The following NCOR1 variants were observed in gnomAD, a reference collection of about 807,000 sequenced individuals.
NCOR1 encodes the protein nuclear receptor corepressor 1.
In NCOR1, 63 loss-of-function variants were observed where a neutral mutation model predicts 288.1. That is an observed-to-expected ratio of 0.22 (90% CI 0.18 to 0.27). The LOEUF is 0.27. Among genes scored for constraint, NCOR1 ranks in the 10% least tolerant of loss-of-function variants. The pLI is 1.00. For synonymous variants in NCOR1, 1,007 were observed against 1,065.9 expected (o/e 0.94, Z 1.08); for missense variants, 2,397 against 3,019.2 (o/e 0.79, Z 4.83).
chr17:16,179,599 T>A (rs2084949246), intron 3 of NCOR1, among the ~76,000 whole-genome samples: 1 of 152,232 alleles, frequency 6.6e-6, no homozygotes, highest in Non-Finnish European at 1.5e-5. Flanking sequence ...CTAGAGGGAC[T>A]ATTTCCCAAC....
chr17:16,163,270 A>T (rs1295780509), intron 5 of NCOR1, among the ~76,000 whole-genome samples: 4 of 152,206 alleles, frequency 2.6e-5, no homozygotes, highest in Admixed American at 2.6e-4. Flanking sequence ...TAAGTCATAC[A>T]TCTGATGAGG....
At chr17:16,083,850 T>C (rs1435500305) in intron 23 of NCOR1, among the ~76,000 whole-genome samples, 1 of 152,088 alleles carries the variant, frequency 6.6e-6, no homozygotes, top group Non-Finnish European at 1.5e-5. Context: ...ACTTAAATGA[T>C]TCATGTTTGG....
At chr17:16,129,773 CG>C (rs972249045) in intron 14 of NCOR1, among the ~76,000 whole-genome samples, 1 of 152,178 alleles carries the variant, frequency 6.6e-6, no homozygotes, top group African/African-American at 2.4e-5. Context: ...AAAGATACGA[CG>C]GGGACATGTC....
intron 1 of NCOR1, among the ~76,000 whole-genome samples, chr17:16,199,882 A>C (rs1449631147): frequency 3.3e-5 from 5 of 152,240 alleles, no homozygotes; most frequent in Non-Finnish European, 7.3e-5. Flanking sequence ...CATAAAAGAC[A>C]ACAGCACTTC....
chr17:16,034,409 T>A (rs1195548063), intron 45 of NCOR1, among the ~76,000 whole-genome samples: 1 of 152,042 alleles, frequency 6.6e-6, no homozygotes, highest in African/African-American at 2.4e-5. Context: ...GGCAACGTAG[T>A]GAGACCTTGT....
At chr17:16,041,404 C>CTTTTTTTTTTTTT (rs3031059) in intron 42 of NCOR1, 3 of 103,780 alleles carry the variant, frequency 2.9e-5, no homozygotes, top group African/African-American at 3.7e-5. Context: ...TGTGAAAGTT[C>CTTTTTTTTTTTTT]TTTTTTTTTT....
rs949439580 is a variant in NCOR1, at chr17:16,044,799, T to C, written c.6679+2152A>G. ...GCCAATGTCAACATTGGGAGCCTCA[T>C]CTACAATGTAGGGGCTGGTGGACCT... is the stretch of plus-strand genomic sequence containing the variant. On this transcript the variant is annotated intron_variant, in intron 42 of 45. Transcript: ENST00000268712. The C allele has an allele frequency of 7.1e-5, 79 of 1,118,304 alleles. 1 individual carries two copies. In the African/African-American group the frequency reaches 9.8e-4, roughly 14 times the overall value. 69.3% of individuals were successfully genotyped at this position (1,118,304 alleles called of 1,614,324 possible).
chr17:16,158,690 A>G, intron 6 of NCOR1, 70 bp downstream of exon 6: 1 of 876,398 alleles, frequency 1.1e-6, no homozygotes, highest in Non-Finnish European at 1.8e-6. Context: ...ACCAGGATAC[A>G]TTCAAAACTG....
intron 10 of NCOR1, among the ~76,000 whole-genome samples, chr17:16,144,279 G>T: frequency 6.6e-6 from 1 of 152,196 alleles, no homozygotes; most frequent in African/African-American, 2.4e-5. Context: ...ATTTAGGTCT[G>T]TTCTTACTCA....
Position 16,062,185 on chromosome 17 carries a change from T to C in NCOR1, c.5307A>G (p.Gln1769=). 5.6e-6 allele frequency: 9 copies of C among 1,614,110 alleles called. No homozygotes were observed. The South Asian group carries it at 6.6e-5, about 12-fold the overall frequency. The change falls in exon 36 of 46, where the codon CAA becomes CAG. Residue 1769 remains glutamine (Q), a synonymous_variant. Coordinates refer to ENST00000268712, the MANE Select transcript of NCOR1 (RefSeq NM_006311.4). ...PSVRTQETML[Q]QRPSVFQGTN... is the part of the protein sequence containing the mutation. The stretch of plus-strand genomic sequence containing the variant: ...TTCCTTGGAAAACACTGGGTCTCTG[T>C]TGCAACATGGTCTCCTGAGTTCTTA...
At chr17:16,182,012 A>C (rs953300563) in intron 3 of NCOR1, among the ~76,000 whole-genome samples, 3 of 152,182 alleles carry the variant, frequency 2.0e-5, no homozygotes, top group African/African-American at 7.2e-5. Context: ...TTTTTAGCTG[A>C]AAGATCAAAA....
At position 16,121,189 on chromosome 17, in the gene NCOR1, C is replaced by A; in HGVS notation, c.1715G>T (p.Arg572Leu). 1 of 1,614,120 alleles carries A rather than the reference C, an allele frequency of 6.2e-7. No homozygotes were observed. Among genetic ancestry groups the A allele is most frequent in the Non-Finnish European group, 8.5e-7 (1 of 1,180,030 alleles). Residue 572 changes from arginine to leucine, a missense_variant, in exon 16 of 46, where the codon CGA becomes CTA. Coordinates refer to ENST00000268712, the MANE Select transcript of NCOR1 (RefSeq NM_006311.4). ...EEREQATPRGRKTANSQGRRK... is the reference protein window; with the variant it reads ...EEREQATPRGLKTANSQGRRK... Reference sequence around the variant, plus strand: ...GCGGCCCTGACTGTTGGCAGTCTTTCGCCCCCGGGGTGTGGCTTGCTCTCT... The same window carrying A: ...GCGGCCCTGACTGTTGGCAGTCTTTAGCCCCCGGGGTGTGGCTTGCTCTCT...
chr17:16,188,825 G>A (rs755762428), intron 2 of NCOR1, among the ~76,000 whole-genome samples: 4 of 151,522 alleles, frequency 2.6e-5, no homozygotes, highest in Non-Finnish European at 4.4e-5. Context: ...AGGATTTCGA[G>A]ACCAGCCTGG....
At position 16,032,482 on chromosome 17, in the gene NCOR1, G is replaced by C; in HGVS notation, c.7137C>G (p.Gly2379=). The C allele has an allele frequency of 6.4e-7, 1 of 1,563,074 alleles. No individual in the cohort carries two copies. Residue 2379 remains glycine (G), a splice_region_variant and synonymous_variant, in exon 46 of 46, where the codon GGC becomes GGG. Transcript: ENST00000268712. ...GAGGGTTATAAGGAAACTGAGTTGA[G>C]CCTGACAAAAGAAAAATTAGGTTTT... is the stretch of plus-strand genomic sequence containing the variant. ...WAWEDRPSST[G]STQFPYNPLT...
chr17:16,108,813 C>A lies in NCOR1; in HGVS notation c.2155G>T (p.Glu719Ter), dbSNP rs1436945293. ...QEDEDIEASN[E>*]EENPEDSEVE... ...TCGCTGTCTTCTGGATTTTCTTCTTCATTGGAGGCTTCAATATCTTCATCC... is the reference window on the plus strand; with the variant it reads ...TCGCTGTCTTCTGGATTTTCTTCTTAATTGGAGGCTTCAATATCTTCATCC... Residue 719 changes from glutamate (E) to a stop codon, truncating the protein, a stop_gained, in exon 19 of 46, where the codon GAA (glutamate) becomes TAA (stop). Transcript: ENST00000268712. LOFTEE classifies it high-confidence loss of function. The A allele has an allele frequency of 6.2e-7, 1 of 1,605,078 alleles. No homozygotes were observed. The highest frequency in any genetic ancestry group is 8.5e-7 in the Non-Finnish European group (1 of 1,175,066).
intron 3 of NCOR1, among the ~76,000 whole-genome samples, chr17:16,175,508 C>T (rs1052937195): frequency 1.3e-5 from 2 of 152,042 alleles, no homozygotes; most frequent in Admixed American, 6.6e-5. Context: ...AATAACTATA[C>T]TTTATCATTC....
At chr17:16,076,070 G>C (rs73981437) in intron 26 of NCOR1, among the ~76,000 whole-genome samples, 1 of 152,166 alleles carries the variant, frequency 6.6e-6, no homozygotes, top group Admixed American at 6.5e-5. Flanking sequence ...TGCAGTTTTT[G>C]CGTTGTTGAA....
At position 16,154,313 on chromosome 17, in the gene NCOR1, G is replaced by A. The variant is rs574759741; in HGVS notation, c.733-918C>T. Among the ~76,000 whole-genome samples the A allele has an allele frequency of 6.7e-4, 102 of 152,126 alleles. 2 individuals carry two copies. The highest frequency in any genetic ancestry group is 2.3e-3 in the African/African-American group (97 of 41,496). On this transcript the variant is annotated intron_variant, in intron 6 of 45. Transcript: ENST00000268712. ...TTTAACTTAAGACCCTCATATGTTC[G>A]TAATACAATTTGTATTCTAAGTCTA...
intron 5 of NCOR1, among the ~76,000 whole-genome samples, chr17:16,163,276 T>C (rs1319566220): frequency 3.3e-5 from 5 of 152,150 alleles, no homozygotes; most frequent in Non-Finnish European, 5.9e-5. Context: ...ATACATCTGA[T>C]GAGGAACTAA....
Sources: allele counts gnomAD v4.1 joint callset (sites outside exome capture counted in the v4.1 genomes callset), GRCh38; gene constraint gnomAD v4.1.1; transcripts MANE v1.5; gene names NCBI Gene and HGNC (gene_info 2026-07-23, HGNC 2026-07-21).